LRRN2: variants seen among roughly 807,000 people sequenced by gnomAD.
LRRN2 encodes the protein leucine-rich repeat neuronal protein 2.
Under a neutral mutation model 35.7 loss-of-function variants are expected in LRRN2, and 10 were observed. That is an observed-to-expected ratio of 0.28 (90% CI 0.17 to 0.47). LRRN2 has a LOEUF of 0.47. Among genes scored for constraint, LRRN2 ranks in the 20% least tolerant of loss-of-function variants. The probability of loss-of-function intolerance (pLI) is 0.99; values close to 1 mark genes in which losing one functional copy is unlikely to be tolerated. For missense variants in LRRN2, 731 were observed against 940.3 expected, an observed-to-expected ratio of 0.78 and a Z score of 2.91; for synonymous variants, 391 against 409.6, an observed-to-expected ratio of 0.95 and a Z score of 0.55.
intron 1 of LRRN2, among the ~76,000 whole-genome samples, chr1:204,653,327 G>C (rs1298453000): frequency 6.6e-6 from 1 of 152,178 alleles, no homozygotes. Context: ...CCCCAGGTTG[G>C]GAAACCGTGA....
intron 1 of LRRN2, among the ~76,000 whole-genome samples, chr1:204,681,656 C>CTTAGA (rs1273257259): frequency 1.4e-4 from 21 of 152,188 alleles, no homozygotes; most frequent in African/African-American, 5.1e-4. Context: ...GAGCCAGGCA[C>CTTAGA]ACAGTAGGTA....
At chr1:204,648,601 C>T (rs1668158725) in intron 1 of LRRN2, among the ~76,000 whole-genome samples, 2 of 152,204 alleles carry the variant, frequency 1.3e-5, no homozygotes, top group Admixed American at 6.5e-5. Context: ...CTTGTTACCA[C>T]ACAGTTGGTC....
At chr1:204,651,716 C>T (rs1223155072) in intron 1 of LRRN2, among the ~76,000 whole-genome samples, 1 of 152,182 alleles carries the variant, frequency 6.6e-6, no homozygotes, top group African/African-American at 2.4e-5. Context: ...TCACAAAAAG[C>T]ATCCCAAGGG....
chr1:204,651,385 T>C (rs948772021), intron 1 of LRRN2, among the ~76,000 whole-genome samples: 4 of 152,096 alleles, frequency 2.6e-5, no homozygotes, highest in African/African-American at 9.7e-5. Context: ...AGATGGCAAA[T>C]GTGTGTTTCT....
Position 204,679,495 on chromosome 1 carries a change from C to T in LRRN2, c.-227+5825G>A, listed in dbSNP as rs569688472. Among the ~76,000 whole-genome samples the T allele has an allele frequency of 6.6e-5, 10 of 152,366 alleles. No homozygotes were observed. In the East Asian group the frequency reaches 1.9e-3, roughly 29 times the overall value. On this transcript the variant is annotated intron_variant, in intron 1 of 1. Coordinates refer to ENST00000367177, the MANE Select transcript of LRRN2 (RefSeq NM_201630.2). Reference sequence around the variant, plus strand: ...ACAGACCCATTCTTCCTGGGGAACCCAGGCTGGTTGCTAATAATCACTGCC... The same window carrying T: ...ACAGACCCATTCTTCCTGGGGAACCTAGGCTGGTTGCTAATAATCACTGCC...
chr1:204,617,679 G>A lies in LRRN2; in HGVS notation c.*172C>T. 1 of 729,404 alleles carries A rather than the reference G, an allele frequency of 1.4e-6. No individual in the cohort carries two copies. The highest frequency in any genetic ancestry group is 1.8e-5 in the South Asian group (1 of 56,938). The allele number at this position is 729,404 out of a possible 1,614,324, so 45.2% of individuals were successfully genotyped here. ...TAGGAGGTAAGGGCAACTTTTTCGA[G>A]GCTGCAGAAGCACCCCCAGGGCCAC... is the stretch of plus-strand genomic sequence containing the variant. On this transcript the variant is annotated 3_prime_UTR_variant, in exon 2 of 2. Coordinates refer to ENST00000367177, the MANE Select transcript of LRRN2 (RefSeq NM_201630.2).
At chr1:204,648,865 G>A (rs975046342) in intron 1 of LRRN2, among the ~76,000 whole-genome samples, 1 of 152,190 alleles carries the variant, frequency 6.6e-6, no homozygotes, top group African/African-American at 2.4e-5. Flanking sequence ...ACCCAGTGGT[G>A]GTGGCAGGCC....
intron 1 of LRRN2, chr1:204,664,446 C>T (rs1019798365): frequency 6.6e-6 from 1 of 152,360 alleles, no homozygotes; most frequent in Non-Finnish European, 1.5e-5. Flanking sequence ...CCTTTGCCCT[C>T]CATCACTGTG....
rs60749803 is a variant in LRRN2, at chr1:204,627,676, G to A, written c.-226-7458C>T. On this transcript the variant is annotated intron_variant, in intron 1 of 1. Transcript: ENST00000367177. ...TGCAGGGGAGCCGAGCCAGCCTGTT[G>A]GGGGCACGGAGGCAGCTCCAGGCTG... 5.2e-3 allele frequency among the ~76,000 whole-genome samples: 796 copies of A among 152,376 alleles called. 9 individuals carry two copies. The highest frequency in any genetic ancestry group is 0.017 in the African/African-American group (706 of 41,594).
intron 1 of LRRN2, among the ~76,000 whole-genome samples, chr1:204,681,654 C>T (rs921629719): frequency 1.4e-4 from 21 of 152,188 alleles, no homozygotes; most frequent in African/African-American, 5.1e-4. Flanking sequence ...CAGAGCCAGG[C>T]ACACAGTAGG....
At chr1:204,657,045 C>A (rs947547165) in intron 1 of LRRN2, among the ~76,000 whole-genome samples, 2 of 152,188 alleles carry the variant, frequency 1.3e-5, no homozygotes, top group Non-Finnish European at 2.9e-5. Context: ...TGGCTCACGT[C>A]TGTAATCCCA....
intron 1 of LRRN2, among the ~76,000 whole-genome samples, chr1:204,633,642 G>C (rs1311353514): frequency 6.6e-6 from 1 of 152,160 alleles, no homozygotes; most frequent in Non-Finnish European, 1.5e-5. Flanking sequence ...GAGAAGTAAG[G>C]TACCAAGCCC....
chr1:204,639,568 A>T (rs1667934307), intron 1 of LRRN2, among the ~76,000 whole-genome samples: 1 of 152,216 alleles, frequency 6.6e-6, no homozygotes, highest in Non-Finnish European at 1.5e-5. Flanking sequence ...TGAGCCCAGG[A>T]GGTGAGGCTA....
At chr1:204,663,064 A>G (rs1206169915) in intron 1 of LRRN2, among the ~76,000 whole-genome samples, 1 of 152,074 alleles carries the variant, frequency 6.6e-6, no homozygotes, top group Non-Finnish European at 1.5e-5. Context: ...TAGGCTATTA[A>G]TTCTATAATC....
intron 1 of LRRN2, among the ~76,000 whole-genome samples, chr1:204,672,525 C>T (rs1053494559): frequency 6.6e-5 from 10 of 152,166 alleles, no homozygotes; most frequent in Non-Finnish European, 1.2e-4. Context: ...GACAGATGCT[C>T]TCCAGGGCCC....
intron 1 of LRRN2, among the ~76,000 whole-genome samples, chr1:204,662,511 C>T (rs895576010): frequency 1.3e-5 from 2 of 152,178 alleles, no homozygotes; most frequent in South Asian, 2.1e-4. Context: ...CCATATGACT[C>T]GAGTCCCACG....
rs1332910040 is a variant in LRRN2 at position 204,619,087 on chromosome 1, G to A, written c.906C>T (p.Asp302=). 6.2e-7 allele frequency: 1 copy of A among 1,607,580 alleles called. No individual in the cohort carries two copies. The highest frequency in any genetic ancestry group is 8.5e-7 in the Non-Finnish European group (1 of 1,176,006). ...CGGGGAGGTTCACCAGGGCAAACTT[G>A]TCGATGGAGACCAGCTCCTCCATGT... ...LNNMEELVSI[D]KFALVNLPEL... is the part of the protein sequence containing the mutation. The change falls in exon 2 of 2, where the codon GAC becomes GAT. Residue 302 remains aspartate, a synonymous_variant. Transcript: ENST00000367177.
intron 1 of LRRN2, among the ~76,000 whole-genome samples, chr1:204,659,480 C>T (rs1465807880): frequency 6.6e-6 from 1 of 152,094 alleles, no homozygotes; most frequent in Non-Finnish European, 1.5e-5. Flanking sequence ...CCTGTTTGGC[C>T]CACTGAAATC....
rs1018727234 is a variant in LRRN2, at chr1:204,666,000, G to A, written c.-227+19320C>T. ...AGCCTGACCCAGCACCTGCTGGGAG[G>A]GTGGTGGTACAGGAAGAAGCAGGAG... On this transcript the variant is annotated intron_variant, in intron 1 of 1. Transcript: ENST00000367177. 1.5e-4 allele frequency among the ~76,000 whole-genome samples: 23 copies of A among 152,324 alleles called. No individual in the cohort carries two copies. The South Asian group carries it at 1.9e-3, about 12-fold the overall frequency.
Sources: allele counts gnomAD v4.1 joint callset (sites outside exome capture counted in the v4.1 genomes callset), GRCh38; gene constraint gnomAD v4.1.1; transcripts MANE v1.5; gene names NCBI Gene and HGNC (gene_info 2026-07-23, HGNC 2026-07-21).